The following LMNA variants were observed in gnomAD, a reference collection of about 807,000 sequenced individuals.
LMNA encodes the protein lamin.
Under a neutral mutation model 70.4 loss-of-function variants are expected in LMNA, and 20 were observed. The ratio of observed to expected loss-of-function variants is 0.28; its 90% CI spans 0.20 to 0.41. The LOEUF (loss-of-function observed/expected upper bound fraction) is 0.41. LMNA is among the 10% of genes least tolerant of loss of function. LMNA has a pLI of 1.00. For missense variants in LMNA, 652 were observed against 917.2 expected (o/e 0.71, Z 3.73); for synonymous variants, 339 against 372.8 (o/e 0.91, Z 1.04).
intron 3 of LMNA, among the ~76,000 whole-genome samples, chr1:156,091,401 G>A (rs1172732421): frequency 3.9e-5 from 6 of 152,160 alleles, no homozygotes; most frequent in Non-Finnish European, 7.3e-5. Flanking sequence ...TGGGGAGTTC[G>A]AGACCAGCCT....
intron 1 of LMNA, chr1:156,082,736 C>T (rs1484749104): frequency 6.6e-6 from 1 of 152,118 alleles, no homozygotes; most frequent in Non-Finnish European, 1.5e-5. Flanking sequence ...ATGAAGCTGG[C>T]TAACGCCGCG....
In LMNA at chr1:156,136,889, C is replaced by T. The variant is rs2102893284; in HGVS notation, c.1381-32C>T. 1 of 1,592,730 alleles carries T rather than the reference C, an allele frequency of 6.3e-7. No individual in the cohort carries two copies. Among genetic ancestry groups the T allele is most frequent in the Non-Finnish European group, 8.6e-7 (1 of 1,166,288 alleles). The stretch of plus-strand genomic sequence containing the variant: ...ACACCCAAGAGCCTGGGTGAGCCTC[C>T]CCGACCTTCCTCTTCCCTATCTTCC... On this transcript the variant is annotated intron_variant, in intron 7 of 11. Coordinates refer to ENST00000368300, the MANE Select transcript of LMNA (RefSeq NM_170707.4). This position sits in a 1 kb window ranked among gnomAD's most constrained non-coding sequence, Gnocchi z 6.1.
chr1:156,114,760 T>C lies in LMNA; in HGVS notation c.-159T>C. The stretch of plus-strand genomic sequence containing the variant: ...ACACCAGCCAACCCAGATCCCGAGG[T>C]CCGACAGCGCCCGGCCCAGATCCCC... On this transcript the variant is annotated 5_prime_UTR_variant, in exon 1 of 12. Coordinates refer to ENST00000368300, the MANE Select transcript of LMNA (RefSeq NM_170707.4). The C allele has an allele frequency of 3.4e-6, 2 of 596,208 alleles. No individual in the cohort carries two copies. Among genetic ancestry groups the C allele is most frequent in the Non-Finnish European group, 5.8e-6 (2 of 346,604 alleles). 36.9% of individuals were successfully genotyped at this position (596,208 alleles called of 1,614,324 possible).
chr1:156,131,865 A>G (rs1651101613), intron 2 of LMNA, among the ~76,000 whole-genome samples: 1 of 152,172 alleles, frequency 6.6e-6, no homozygotes, highest in African/African-American at 2.4e-5. Context: ...TCTCCAATTT[A>G]TCATGTTAAA....
chr1:156,087,537 G>A (rs761854154), intron 2 of LMNA, among the ~76,000 whole-genome samples: 13 of 150,140 alleles, frequency 8.7e-5, no homozygotes, highest in Non-Finnish European at 1.6e-4. Flanking sequence ...CATCGCGCCC[G>A]GCTCCCATTT....
intron 3 of LMNA, among the ~76,000 whole-genome samples, chr1:156,097,253 C>T (rs1011838853): frequency 1.3e-5 from 2 of 152,126 alleles, no homozygotes; most frequent in Admixed American, 6.5e-5. Context: ...GTCCCCAGGG[C>T]CCGCAAGCAG....
Position 156,138,849 on chromosome 1 carries a change from G to A in LMNA, c.1968+92G>A, listed in dbSNP as rs951379683. 12 of 1,548,960 alleles carry A rather than the reference G, an allele frequency of 7.7e-6. No homozygotes were observed. In the Admixed American group the frequency reaches 1.6e-4, roughly 20 times the overall value. On this transcript the variant is annotated intron_variant, in intron 11 of 11. Coordinates refer to ENST00000368300, the MANE Select transcript of LMNA (RefSeq NM_170707.4). This position sits in a 1 kb window ranked among gnomAD's most constrained non-coding sequence, Gnocchi z 5.5. ...GGTGGCCTTGCAGGGGGGAGAGCCT[G>A]CCTTCTCTTCCGCAGCCCGGGGGAG...
chr1:156,115,317 A>G lies in LMNA; in HGVS notation c.356+43A>G, dbSNP rs779960022. 1 of 1,552,938 alleles carries G rather than the reference A, an allele frequency of 6.4e-7. No homozygotes were observed. Among genetic ancestry groups the G allele is most frequent in the South Asian group, 1.2e-5 (1 of 86,902 alleles). ...GCTGCGTGCCTGGCGGGGAGTGGAG[A>G]GGGCGGCGGGCCGGCGCCCCTGGCC... On this transcript the variant is annotated intron_variant, in intron 1 of 11. Coordinates refer to ENST00000368300, the MANE Select transcript of LMNA (RefSeq NM_170707.4). This position sits in a 1 kb window ranked among gnomAD's most constrained non-coding sequence, Gnocchi z 5.8.
intron 1 of LMNA, among the ~76,000 whole-genome samples, chr1:156,121,668 C>A (rs866184016): frequency 6.6e-6 from 1 of 152,092 alleles, no homozygotes; most frequent in Non-Finnish European, 1.5e-5. Flanking sequence ...CTCCCCTCCC[C>A]CTTGCTTCCC....
At chr1:156,091,499 G>A (rs1648701447) in intron 3 of LMNA, among the ~76,000 whole-genome samples, 1 of 152,112 alleles carries the variant, frequency 6.6e-6, no homozygotes, top group Non-Finnish European at 1.5e-5. Context: ...CTACTCAGGA[G>A]GCTGAGGCAG....
At position 156,089,748 on chromosome 1, in the gene LMNA, G is replaced by T. The variant is rs577115149; in HGVS notation, c.-318-723G>T. Among the ~76,000 whole-genome samples the T allele has an allele frequency of 2.6e-5, 4 of 152,300 alleles. No individual in the cohort carries two copies. In the East Asian group the frequency reaches 5.8e-4, roughly 22 times the overall value. ...AGCCTAGGTTTGGAGATGGACAAAC[G>T]TCTCTGCTTCTCCCCTGGGACTACA... On this transcript the variant is annotated intron_variant, in intron 2 of 12. Transcript: ENST00000368301.
At position 156,135,860 on chromosome 1, in the gene LMNA, G is replaced by A. The variant is rs775312747; in HGVS notation, c.937-41G>A. On this transcript the variant is annotated intron_variant, in intron 5 of 11. Coordinates refer to ENST00000368300, the MANE Select transcript of LMNA (RefSeq NM_170707.4). This position sits in a 1 kb window ranked among gnomAD's most constrained non-coding sequence, Gnocchi z 4.8. ...CCACGTCCCTCCTTCCCCATACTTA[G>A]GGCCCTTGGGAGCTCACCAAACCCT... 2 of 1,573,194 alleles carry A rather than the reference G, an allele frequency of 1.3e-6. No homozygotes were observed. The highest frequency in any genetic ancestry group is 2.2e-5 in the East Asian group (1 of 44,582).
intron 2 of LMNA, among the ~76,000 whole-genome samples, chr1:156,090,015 C>G (rs1648636301): frequency 6.6e-6 from 1 of 152,010 alleles, no homozygotes; most frequent in African/African-American, 2.4e-5. Context: ...GGGGGAGGGG[C>G]ACCTGGTGCC....
At chr1:156,084,000 A>G (rs1473577882) in intron 2 of LMNA, among the ~76,000 whole-genome samples, 1 of 152,084 alleles carries the variant, frequency 6.6e-6, no homozygotes, top group Non-Finnish European at 1.5e-5. Flanking sequence ...GATCTTTCCC[A>G]AGGGAAGAAG....
In LMNA at chr1:156,115,133, G is replaced by A. The variant is rs727504340; in HGVS notation, c.215G>A (p.Arg72His). The A allele has an allele frequency of 1.2e-6, 2 of 1,608,458 alleles. No homozygotes were observed. Among genetic ancestry groups the A allele is most frequent in the Non-Finnish European group, 1.7e-6 (2 of 1,177,636 alleles). ...ACCGAGTCTGAAGAGGTGGTCAGCC[G>A]CGAGGTGTCCGGCATCAAGGCCGCC... ...RITESEEVVS[R>H]EVSGIKAAYE... Residue 72 changes from arginine to histidine, a missense_variant, in exon 1 of 12, where the codon CGC becomes CAC. Coordinates refer to ENST00000368300, the MANE Select transcript of LMNA (RefSeq NM_170707.4). This position sits in a 1 kb window ranked among gnomAD's most constrained non-coding sequence, Gnocchi z 5.8.
chr1:156,136,240 C>G lies in LMNA; in HGVS notation c.1184C>G (p.Ser395Trp). 6.2e-7 allele frequency: 1 copy of G among 1,612,094 alleles called. No individual in the cohort carries two copies. Among genetic ancestry groups the G allele is most frequent in the Non-Finnish European group, 8.5e-7 (1 of 1,180,000 alleles). ...ERLRLSPSPT[S>W]QRSRGRASSH... ...CTACGCCTGTCCCCCAGCCCTACCT[C>G]GCAGCGCAGCCGTGGCCGTGCTTCC... Residue 395 changes from serine to tryptophan, a missense_variant, in exon 7 of 12, where the codon TCG (serine) becomes TGG (tryptophan). Transcript: ENST00000368300. The surrounding 1 kb of genome is among the most constrained non-coding windows in gnomAD (Gnocchi z 6.1).
At chr1:156,109,528 T>TTCC (rs1649461575), upstream of LMNA, 2 of 152,296 alleles carry the variant, frequency 1.3e-5, no homozygotes. Context: ...CTGCACAGAC[T>TTCC]TCCTCCAGCC....
intron 3 of LMNA, among the ~76,000 whole-genome samples, chr1:156,100,344 A>G (rs1439653032): frequency 6.6e-6 from 1 of 152,168 alleles, no homozygotes; most frequent in East Asian, 1.9e-4. Context: ...TCCTTTACAC[A>G]TGGTGACTAT....
At chr1:156,129,321 T>C (rs1156279471) in intron 1 of LMNA, among the ~76,000 whole-genome samples, 2 of 152,148 alleles carry the variant, frequency 1.3e-5, no homozygotes, top group Admixed American at 6.6e-5. Context: ...GACTCCTTTT[T>C]TGGACTCTCC....
Sources: allele counts gnomAD v4.1 joint callset (sites outside exome capture counted in the v4.1 genomes callset), GRCh38; gene constraint gnomAD v4.1.1; non-coding constraint Gnocchi (gnomAD v3.1); transcripts MANE v1.5; gene names NCBI Gene and HGNC (gene_info 2026-07-23, HGNC 2026-07-21).